NAALADL2: variants seen among roughly 807,000 people sequenced by gnomAD.
NAALADL2 encodes the protein inactive N-acetylated-alpha-linked acidic dipeptidase-like protein 2.
In NAALADL2, 76 loss-of-function variants were observed where a neutral mutation model predicts 87.2. The ratio of observed to expected loss-of-function variants is 0.87; its 90% CI spans 0.72 to 1.05. The LOEUF (loss-of-function observed/expected upper bound fraction) is 1.05, where lower values mean the gene tolerates loss of function less well. NAALADL2 is among the 50% of genes least tolerant of loss of function. The pLI, the probability that NAALADL2 is intolerant of heterozygous loss-of-function variation, is 0.00. For synonymous variants in NAALADL2, 354 were observed against 331.0 expected, an observed-to-expected ratio of 1.07 and a Z score of -0.75; for missense variants, 1,089 against 945.8, an observed-to-expected ratio of 1.15 and a Z score of -1.99.
chr3:174,624,669 G>A (rs1349509481), intron 2 of NAALADL2, among the ~76,000 whole-genome samples: 1 of 151,412 alleles, frequency 6.6e-6, no homozygotes, highest in Non-Finnish European at 1.5e-5. Flanking sequence ...GGACTACTGT[G>A]ATCTTATGTC....
At chr3:175,402,149 A>G (rs991493362) in intron 5 of NAALADL2, among the ~76,000 whole-genome samples, 3 of 152,122 alleles carry the variant, frequency 2.0e-5, no homozygotes, top group African/African-American at 7.2e-5. Context: ...ATGACCAGGT[A>G]TGTGTATTAT....
chr3:174,516,083 A>G (rs1298971943), intron 1 of NAALADL2, among the ~76,000 whole-genome samples: 2 of 152,080 alleles, frequency 1.3e-5, no homozygotes, highest in African/African-American at 4.8e-5. Context: ...GCATTGGCAA[A>G]CAAAAACTTG....
At chr3:174,976,096 G>C (rs1445471835) in intron 1 of NAALADL2, among the ~76,000 whole-genome samples, 1 of 152,004 alleles carries the variant, frequency 6.6e-6, no homozygotes, top group Non-Finnish European at 1.5e-5. Context: ...AATAGACATA[G>C]GTAATTCCAT....
At chr3:175,405,696 G>C (rs900150855) in intron 5 of NAALADL2, among the ~76,000 whole-genome samples, 3 of 135,372 alleles carry the variant, frequency 2.2e-5, no homozygotes, top group Non-Finnish European at 4.7e-5. Context: ...AATGAACAAT[G>C]AATGAAAAGA....
intron 1 of NAALADL2, among the ~76,000 whole-genome samples, chr3:174,959,744 G>C (rs984838002): frequency 6.6e-6 from 1 of 152,068 alleles, no homozygotes; most frequent in East Asian, 1.9e-4. Flanking sequence ...CATGCCCAAA[G>C]TAATGCCTTT....
chr3:174,900,663 C>A (rs1732194172), intron 1 of NAALADL2, among the ~76,000 whole-genome samples: 1 of 151,678 alleles, frequency 6.6e-6, no homozygotes, highest in South Asian at 2.1e-4. Flanking sequence ...ACATTTTATA[C>A]CTTATGTTCT....
chr3:174,743,684 G>C (rs534380958), intron 3 of NAALADL2, among the ~76,000 whole-genome samples: 20 of 151,550 alleles, frequency 1.3e-4, no homozygotes, highest in Non-Finnish European at 2.4e-4. Flanking sequence ...TTCCAAATTA[G>C]AATAGAATAT....
At chr3:174,668,024 A>G (rs190531020) in intron 2 of NAALADL2, among the ~76,000 whole-genome samples, 1 of 152,108 alleles carries the variant, frequency 6.6e-6, no homozygotes, top group East Asian at 1.9e-4. Context: ...CATCCTTGCA[A>G]AACTTGTTCT....
intron 2 of NAALADL2, among the ~76,000 whole-genome samples, chr3:175,108,345 A>T (rs1723588155): frequency 6.6e-6 from 1 of 151,984 alleles, no homozygotes; most frequent in South Asian, 2.1e-4. Context: ...CTTTTTATAA[A>T]CTATCTAAAT....
At chr3:174,967,260 A>G (rs1307946636) in intron 1 of NAALADL2, among the ~76,000 whole-genome samples, 2 of 152,066 alleles carry the variant, frequency 1.3e-5, no homozygotes, top group African/African-American at 4.8e-5. Context: ...ATTATATGCA[A>G]TAGGATAAGC....
chr3:175,569,802 A>G (rs565614805), intron 9 of NAALADL2, among the ~76,000 whole-genome samples: 1 of 149,708 alleles, frequency 6.7e-6, no homozygotes, highest in South Asian at 2.1e-4. Context: ...GCATTCTCTT[A>G]TAGCAGCCCA....
chr3:174,545,227 A>C (rs1251275451), intron 1 of NAALADL2, among the ~76,000 whole-genome samples: 1 of 152,072 alleles, frequency 6.6e-6, no homozygotes, highest in Non-Finnish European at 1.5e-5. Context: ...CTTTAGCTTC[A>C]CTAAACTTTT....
intron 4 of NAALADL2, among the ~76,000 whole-genome samples, chr3:175,314,072 CA>C (rs10678475): frequency 0.039 from 3,120 of 79,814 alleles, 80 homozygotes; most frequent in African/African-American, 0.11. Flanking sequence ...GACTCCATCT[CA>C]AAAAAAAAAA....
At chr3:175,263,285 A>G (rs1319251749) in intron 4 of NAALADL2, among the ~76,000 whole-genome samples, 1 of 151,950 alleles carries the variant, frequency 6.6e-6, no homozygotes, top group African/African-American at 2.4e-5. Flanking sequence ...TAATATAAAG[A>G]CTTAAGACTG....
chr3:175,449,439 A>T (rs1006637743), intron 6 of NAALADL2, among the ~76,000 whole-genome samples: 1 of 127,536 alleles, frequency 7.8e-6, no homozygotes, highest in Non-Finnish European at 1.6e-5. Flanking sequence ...TCTGTCTCCC[A>T]GACTGCAGTG....
intron 2 of NAALADL2, among the ~76,000 whole-genome samples, chr3:174,628,392 G>A (rs1051211252): frequency 6.8e-6 from 1 of 146,554 alleles, no homozygotes; most frequent in Admixed American, 7.0e-5. Flanking sequence ...TGAGAGAATC[G>A]CTTGAACCCT....
chr3:175,464,383 C>T (rs781334690), intron 7 of NAALADL2, among the ~76,000 whole-genome samples: 2 of 148,166 alleles, frequency 1.3e-5, no homozygotes, highest in Non-Finnish European at 3.0e-5. Flanking sequence ...GAGATTATGC[C>T]ACTGCTCTCT....
At chr3:175,678,730 G>C (rs184920978) in intron 11 of NAALADL2, among the ~76,000 whole-genome samples, 4 of 152,026 alleles carry the variant, frequency 2.6e-5, no homozygotes, top group Admixed American at 6.5e-5. Flanking sequence ...GTCGTGGGGT[G>C]GGGGGAGAGG....
At chr3:175,045,043 T>C (rs908848833) in intron 1 of NAALADL2, among the ~76,000 whole-genome samples, 5 of 152,252 alleles carry the variant, frequency 3.3e-5, no homozygotes, top group South Asian at 4.1e-4. Context: ...CCCCATCCCA[T>C]TGCAACCCTG....
Sources: allele counts gnomAD v4.1 joint callset (sites outside exome capture counted in the v4.1 genomes callset), GRCh38; gene constraint gnomAD v4.1.1; transcripts MANE v1.5; gene names NCBI Gene and HGNC (gene_info 2026-07-23, HGNC 2026-07-21).